Variants in RBMS2 observed in about 807,000 individuals in gnomAD.
RBMS2 encodes the protein RNA binding motif single stranded interacting protein 2.
A neutral mutation model predicts 58.4 loss-of-function variants in RBMS2; 38 were observed. The observed-to-expected ratio is 0.65, with a 90% CI of 0.50 to 0.85. The LOEUF (loss-of-function observed/expected upper bound fraction) is 0.85. RBMS2 is among the 40% of genes least tolerant of loss of function. The probability of loss-of-function intolerance (pLI) is 0.00; values close to 1 mark genes in which losing one functional copy is unlikely to be tolerated. For missense variants in RBMS2, 367 were observed against 503.7 expected, an observed-to-expected ratio of 0.73 and a Z score of 2.60; for synonymous variants, 151 against 180.7, an observed-to-expected ratio of 0.84 and a Z score of 1.32.
chr12:56,547,072 G>A lies in RBMS2; in HGVS notation c.67-15345G>A, dbSNP rs142004634. 3.3e-5 allele frequency among the ~76,000 whole-genome samples: 5 copies of A among 152,114 alleles called. No homozygotes were observed. The East Asian group carries it at 7.7e-4, about 24-fold the overall frequency. On this transcript the variant is annotated intron_variant, in intron 1 of 13. Transcript: ENST00000262031. ...CATTAAAAGTTTATTATTCTGGGCC[G>A]GGTGCGGTGGCTCACACCTGTAATC...
intron 5 of RBMS2, among the ~76,000 whole-genome samples, chr12:56,580,771 TACA>T (rs1883837393): frequency 6.6e-6 from 1 of 152,218 alleles, no homozygotes; most frequent in Admixed American, 6.5e-5. Flanking sequence ...TGACCTTAAT[TACA>T]ACAAGGAGCA....
chr12:56,522,103 CT>C lies in RBMS2; in HGVS notation c.66+20del. The C allele has an allele frequency of 1.9e-6, 3 of 1,567,310 alleles. No individual in the cohort carries two copies. The highest frequency in any genetic ancestry group is 1.1e-5 in the South Asian group (1 of 89,644). On this transcript the variant is annotated intron_variant, in intron 1 of 13. Transcript: ENST00000262031. The stretch of plus-strand genomic sequence containing the variant: ...AACAACAAGAAGGTAGGGAAAAGCG[CT>C]TTTTTGGTATCTAGCTACTTCTTTT...
intron 9 of RBMS2, 130 bp downstream of exon 9, chr12:56,582,282 C>A: frequency 1.3e-6 from 1 of 783,860 alleles, no homozygotes; most frequent in Non-Finnish European, 2.0e-6. Context: ...TTTTACATAA[C>A]AGCGTAAAAG....
Position 56,596,149 on chromosome 12 carries a change from T to G in RBMS2, c.*7016T>G, listed in dbSNP as rs1163219514. 6.5e-6 allele frequency: 1 copy of G among 152,726 alleles called. No homozygotes were observed. Among genetic ancestry groups the G allele is most frequent in the African/African-American group, 2.4e-5 (1 of 41,478 alleles). The allele number at this position is 152,726 out of a possible 1,614,324, so 9.5% of individuals were successfully genotyped here. ...TCAAAAAGTCACTAAAACACCACAT[T>G]TGGTTATATAAAAAGTCCCTTTTGC... On this transcript the variant is annotated 3_prime_UTR_variant, in exon 14 of 14. Coordinates refer to ENST00000262031, the MANE Select transcript of RBMS2 (RefSeq NM_002898.4).
chr12:56,587,489 G>A (rs940534325), intron 10 of RBMS2, 65 bp from the exon 11 acceptor site: 8 of 1,536,282 alleles, frequency 5.2e-6, no homozygotes, highest in African/African-American at 1.4e-5. Flanking sequence ...GACAGCCACC[G>A]ATCACTGCTT....
In RBMS2 at chr12:56,591,782, A is replaced by G. The variant is rs915032838; in HGVS notation, c.*2649A>G. ...CTGTCTTCTTTCTCTCTCTATATAT[A>G]TATTTTAAAATGTTTAAATGGCTCT... On this transcript the variant is annotated 3_prime_UTR_variant, in exon 14 of 14. Transcript: ENST00000262031. 1 of 151,972 alleles carries G rather than the reference A, an allele frequency of 6.6e-6. No individual in the cohort carries two copies. Among genetic ancestry groups the G allele is most frequent in the Admixed American group, 6.6e-5 (1 of 15,252 alleles). The allele number at this position is 151,972 out of a possible 1,614,324, so 9.4% of individuals were successfully genotyped here.
intron 1 of RBMS2, among the ~76,000 whole-genome samples, chr12:56,557,249 A>G (rs1440447973): frequency 1.3e-5 from 2 of 152,158 alleles, no homozygotes; most frequent in African/African-American, 4.8e-5. Context: ...CTTACATATT[A>G]TAGGTAAACA....
intron 1 of RBMS2, among the ~76,000 whole-genome samples, chr12:56,544,087 C>T (rs996667873): frequency 2.0e-5 from 3 of 151,246 alleles, no homozygotes; most frequent in African/African-American, 7.3e-5. Flanking sequence ...ACCAGCCTGA[C>T]CAACATGGTG....
At chr12:56,546,858 G>A (rs1325881250) in intron 1 of RBMS2, among the ~76,000 whole-genome samples, 2 of 152,108 alleles carry the variant, frequency 1.3e-5, no homozygotes, top group Non-Finnish European at 2.9e-5. Flanking sequence ...AAACATTTGA[G>A]GAACTGCCCA....
intron 1 of RBMS2, 73 bp from the exon 2 acceptor site, chr12:56,562,344 G>C: frequency 7.2e-7 from 1 of 1,391,794 alleles, no homozygotes; most frequent in Non-Finnish European, 9.9e-7. Context: ...TTTTTCAAGA[G>C]GTCCAGGATC....
intron 1 of RBMS2, among the ~76,000 whole-genome samples, chr12:56,558,035 G>A (rs1460470242): frequency 3.7e-5 from 4 of 109,086 alleles, no homozygotes; most frequent in Non-Finnish European, 5.3e-5. Flanking sequence ...CACCTCGCCC[G>A]GGCTTTTTTT....
At chr12:56,586,788 A>G (rs1004575939) in intron 9 of RBMS2, 61 bp from the exon 10 acceptor site, 22 of 1,380,348 alleles carry the variant, frequency 1.6e-5, no homozygotes, top group Non-Finnish European at 2.3e-5. Context: ...GAACATTATT[A>G]GATCTGTGGG....
At chr12:56,527,599 A>C (rs565207967) in intron 1 of RBMS2, among the ~76,000 whole-genome samples, 1 of 152,218 alleles carries the variant, frequency 6.6e-6, no homozygotes, top group African/African-American at 2.4e-5. Flanking sequence ...GGCCGACAAC[A>C]GCGAGACTCC....
At position 56,521,957 on chromosome 12, in the gene RBMS2, G is replaced by A. The variant is rs1222998787; in HGVS notation, c.-67G>A. 2 of 209,996 alleles carry A rather than the reference G, an allele frequency of 9.5e-6. No homozygotes were observed. Among genetic ancestry groups the A allele is most frequent in the Non-Finnish European group, 1.8e-5 (2 of 113,008 alleles). 13.0% of individuals were successfully genotyped at this position (209,996 alleles called of 1,614,324 possible). The stretch of plus-strand genomic sequence containing the variant: ...TCGCTCCCCTCCTCCCTCCCTCCCC[G>A]TCTTTCTTACCCCCTCCCTTTCTCT... On this transcript the variant is annotated 5_prime_UTR_variant, in exon 1 of 14. Transcript: ENST00000262031.
chr12:56,591,850 C>A lies in RBMS2; in HGVS notation c.*2717C>A, dbSNP rs1239975842. On this transcript the variant is annotated 3_prime_UTR_variant, in exon 14 of 14. Coordinates refer to ENST00000262031, the MANE Select transcript of RBMS2 (RefSeq NM_002898.4). ...TTTGAATTTACCTTTTGGAGTTCTT[C>A]TCATGTGAATCTACTTGTTAGATTG... 6.6e-6 allele frequency: 1 copy of A among 152,026 alleles called. No individual in the cohort carries two copies. The highest frequency in any genetic ancestry group is 1.9e-4 in the East Asian group (1 of 5,198). 9.4% of individuals were successfully genotyped at this position (152,026 alleles called of 1,614,324 possible).
chr12:56,530,125 C>G (rs1000707573), intron 1 of RBMS2, among the ~76,000 whole-genome samples: 4 of 152,092 alleles, frequency 2.6e-5, no homozygotes, highest in Non-Finnish European at 5.9e-5. Context: ...TCAGGCTTGT[C>G]TCAAACCCCT....
intron 1 of RBMS2, among the ~76,000 whole-genome samples, chr12:56,544,754 A>ATTTTTTTTTTTTTTTTTTTT (rs537510847): frequency 8.6e-6 from 1 of 116,076 alleles, no homozygotes; most frequent in African/African-American, 3.1e-5. Flanking sequence ...CTAATTTTTA[A>ATTTTTTTTTTTTTTTTTTTT]TTTTTTTTTT....
Position 56,590,289 on chromosome 12 carries a change from C to T in RBMS2, c.*1156C>T, listed in dbSNP as rs1283791815. On this transcript the variant is annotated 3_prime_UTR_variant, in exon 14 of 14. Coordinates refer to ENST00000262031, the MANE Select transcript of RBMS2 (RefSeq NM_002898.4). ...CTAGTTGAATCCACATAGGCTCCTT[C>T]CACACGGTGGAAGATCTGCTGCTTC... 6.6e-6 allele frequency: 1 copy of T among 152,210 alleles called. No homozygotes were observed. Among genetic ancestry groups the T allele is most frequent in the Non-Finnish European group, 1.5e-5 (1 of 68,074 alleles). The allele number at this position is 152,210 out of a possible 1,614,324, so 9.4% of individuals were successfully genotyped here.
intron 1 of RBMS2, among the ~76,000 whole-genome samples, chr12:56,526,737 A>G (rs192157644): frequency 6.6e-6 from 1 of 151,172 alleles, no homozygotes; most frequent in African/African-American, 2.4e-5. Context: ...ATGTTTGAAG[A>G]AGTTGCCAAA....
Sources: allele counts gnomAD v4.1 joint callset (sites outside exome capture counted in the v4.1 genomes callset), GRCh38; gene constraint gnomAD v4.1.1; transcripts MANE v1.5; gene names NCBI Gene and HGNC (gene_info 2026-07-23, HGNC 2026-07-21).